ADIPOR2: variants seen among roughly 807,000 people sequenced by gnomAD.
ADIPOR2 encodes adiponectin receptor 2.
In ADIPOR2, 18 loss-of-function variants were observed where a neutral mutation model predicts 40.9. The observed-to-expected ratio is 0.44, with a 90% CI of 0.30 to 0.65. The LOEUF is 0.65. Ranked by LOEUF, ADIPOR2 falls within the 30% of genes least tolerant of loss-of-function variation. The pLI is 0.09. For missense variants in ADIPOR2, 283 were observed against 479.2 expected, an observed-to-expected ratio of 0.59 and a Z score of 3.82; for synonymous variants, 165 against 166.4, an observed-to-expected ratio of 0.99 and a Z score of 0.06.
chr12:1,763,554 A>G (rs1341792289), intron 2 of ADIPOR2, among the ~76,000 whole-genome samples: 1 of 152,024 alleles, frequency 6.6e-6, no homozygotes, highest in Non-Finnish European at 1.5e-5. Context: ...CCTCTGTTAT[A>G]TCAAAAGGAC....
intron 1 of ADIPOR2, among the ~76,000 whole-genome samples, chr12:1,704,438 AAAAG>A (rs970116024): frequency 4.6e-5 from 7 of 152,224 alleles, no homozygotes; most frequent in African/African-American, 1.7e-4. Flanking sequence ...TTTCACTTAA[AAAAG>A]AAATTGGATT....
At chr12:1,772,680 A>T in intron 2 of ADIPOR2, 162 bp from the exon 3 acceptor site, 1 of 808,280 alleles carries the variant, frequency 1.2e-6, no homozygotes, top group Non-Finnish European at 1.8e-6. Context: ...CATTTTTAAT[A>T]CTAATAATTC....
At chr12:1,703,631 A>G (rs1447133748) in intron 1 of ADIPOR2, among the ~76,000 whole-genome samples, 1 of 152,008 alleles carries the variant, frequency 6.6e-6, no homozygotes, top group African/African-American at 2.4e-5. Flanking sequence ...GTGGGAGGAT[A>G]GCTCGAACCT....
At chr12:1,765,909 C>G (rs1862368958) in intron 2 of ADIPOR2, among the ~76,000 whole-genome samples, 1 of 152,164 alleles carries the variant, frequency 6.6e-6, no homozygotes, top group African/African-American at 2.4e-5. Flanking sequence ...AACTTTCTTT[C>G]AGGTACTCAG....
At chr12:1,725,816 T>C (rs1299051373) in intron 1 of ADIPOR2, among the ~76,000 whole-genome samples, 2 of 152,212 alleles carry the variant, frequency 1.3e-5, no homozygotes, top group African/African-American at 4.8e-5. Context: ...TGGTGAGAAG[T>C]TCAATTTATG....
chr12:1,784,090 G>T lies in ADIPOR2; in HGVS notation c.1032+17G>T. 6.4e-7 allele frequency: 1 copy of T among 1,558,386 alleles called. No homozygotes were observed. The highest frequency in any genetic ancestry group is 8.7e-7 in the Non-Finnish European group (1 of 1,148,256). The stretch of plus-strand genomic sequence containing the variant: ...GACATCTGGGTAAGTATGTCGGGGT[G>T]ACTGAGTGTGTAGGTATCTGCTCAT... On this transcript the variant is annotated intron_variant, in intron 7 of 7. Transcript: ENST00000357103.
At position 1,724,701 on chromosome 12, in the gene ADIPOR2, A is replaced by G. The variant is rs1165294367; in HGVS notation, c.-86-29557A>G. Among the ~76,000 whole-genome samples the G allele has an allele frequency of 2.0e-5, 3 of 151,590 alleles. No homozygotes were observed. The East Asian group carries it at 5.9e-4, about 30-fold the overall frequency. ...TGGCTAATTTTTTTGTTTTGTTTTGATTTTCTGGTGACAGGGTCTCACTCT... is the reference window on the plus strand; with the variant it reads ...TGGCTAATTTTTTTGTTTTGTTTTGGTTTTCTGGTGACAGGGTCTCACTCT... On this transcript the variant is annotated intron_variant, in intron 1 of 7. Coordinates refer to ENST00000357103, the MANE Select transcript of ADIPOR2 (RefSeq NM_024551.3).
intron 1 of ADIPOR2, among the ~76,000 whole-genome samples, chr12:1,700,573 C>A (rs2094648126): frequency 6.6e-6 from 1 of 151,956 alleles, no homozygotes; most frequent in Admixed American, 6.6e-5. Context: ...ATATTCTTTT[C>A]CCAAGTGACA....
rs529586956 is a variant in ADIPOR2, at chr12:1,749,907, G to C, written c.-86-4351G>C. Among the ~76,000 whole-genome samples the C allele has an allele frequency of 1.1e-4, 16 of 144,434 alleles. 1 individual carries two copies. Among genetic ancestry groups the C allele is most frequent in the Non-Finnish European group, 1.9e-4 (13 of 67,168 alleles). The allele number at this position is 144,434 out of a possible 152,430, so 94.8% of individuals were successfully genotyped here. On this transcript the variant is annotated intron_variant, in intron 1 of 7. Transcript: ENST00000357103. ...GCTGGAGTGCAGTGGTGTCATCATAGTTCACTGCAGCCTCAAACTCCTGGA... is the reference window on the plus strand; with the variant it reads ...GCTGGAGTGCAGTGGTGTCATCATACTTCACTGCAGCCTCAAACTCCTGGA...
Position 1,767,435 on chromosome 12 carries a change from T to C in ADIPOR2, c.172-5407T>C, listed in dbSNP as rs146041052. On this transcript the variant is annotated intron_variant, in intron 2 of 7. Transcript: ENST00000357103. ...CATATAGACTAGATATTATAGTTAT[T>C]CTTTTGGAGAATACTGGGTATACAT... Among the ~76,000 whole-genome samples the C allele has an allele frequency of 2.4e-3, 365 of 152,348 alleles. 1 individual carries two copies. Among genetic ancestry groups the C allele is most frequent in the African/African-American group, 8.5e-3 (354 of 41,578 alleles).
intron 1 of ADIPOR2, among the ~76,000 whole-genome samples, chr12:1,750,170 A>G (rs1232388439): frequency 6.6e-6 from 1 of 152,120 alleles, no homozygotes; most frequent in East Asian, 1.9e-4. Context: ...GTATTTTGCT[A>G]AGCGTATACT....
chr12:1,741,715 A>G (rs2094743243), intron 1 of ADIPOR2, among the ~76,000 whole-genome samples: 1 of 152,232 alleles, frequency 6.6e-6, no homozygotes, highest in Non-Finnish European at 1.5e-5. Context: ...TTTGGGACAC[A>G]TAACCTGTTT....
intron 1 of ADIPOR2, among the ~76,000 whole-genome samples, chr12:1,749,652 T>G: frequency 6.6e-6 from 1 of 152,220 alleles, no homozygotes; most frequent in East Asian, 1.9e-4. Context: ...TTCGATTGTT[T>G]TAGCTATTTT....
intron 1 of ADIPOR2, among the ~76,000 whole-genome samples, chr12:1,702,677 C>T (rs577060029): frequency 2.6e-5 from 4 of 152,048 alleles, no homozygotes; most frequent in South Asian, 2.1e-4. Context: ...TTACATACTT[C>T]GATTATGTTT....
At chr12:1,730,222 G>A (rs2094716967) in intron 1 of ADIPOR2, among the ~76,000 whole-genome samples, 1 of 140,382 alleles carries the variant, frequency 7.1e-6, no homozygotes, top group Admixed American at 7.2e-5. Context: ...GGGTATTAAA[G>A]TTTTTTTTTT....
intron 1 of ADIPOR2, among the ~76,000 whole-genome samples, chr12:1,721,002 AT>A: frequency 6.6e-6 from 1 of 152,122 alleles, no homozygotes; most frequent in East Asian, 1.9e-4. Context: ...TCCCTCCCTG[AT>A]TTGAGTCTTC....
At chr12:1,695,663 CAA>C (rs34987467) in intron 1 of ADIPOR2, among the ~76,000 whole-genome samples, 4 of 109,092 alleles carry the variant, frequency 3.7e-5, no homozygotes, top group Non-Finnish European at 3.6e-5. Flanking sequence ...AACTCCATCT[CAA>C]AAAAAAAAAA....
chr12:1,714,301 G>T (rs2094683457), intron 1 of ADIPOR2, among the ~76,000 whole-genome samples: 1 of 151,964 alleles, frequency 6.6e-6, no homozygotes, highest in South Asian at 2.1e-4. Context: ...TTTTCAGCCT[G>T]TTCTTCTCGA....
chr12:1,716,086 C>T (rs1358141959), intron 1 of ADIPOR2, among the ~76,000 whole-genome samples: 3 of 152,220 alleles, frequency 2.0e-5, no homozygotes, highest in Non-Finnish European at 2.9e-5. Context: ...CCACGAAGTT[C>T]TGCGGCTTCA....
Sources: allele counts gnomAD v4.1 joint callset (sites outside exome capture counted in the v4.1 genomes callset), GRCh38; gene constraint gnomAD v4.1.1; transcripts MANE v1.5; gene names NCBI Gene and HGNC (gene_info 2026-07-23, HGNC 2026-07-21).